Variants in VAV2 observed in about 807,000 individuals in gnomAD.
VAV2 encodes the protein guanine nucleotide exchange factor VAV2.
A neutral mutation model predicts 132.5 loss-of-function variants in VAV2; 67 were observed. That is an observed-to-expected ratio of 0.51 (90% confidence interval 0.42 to 0.62). The LOEUF is 0.62. Ranked by LOEUF, VAV2 falls within the 20% of genes least tolerant of loss-of-function variation. The pLI is 0.00. For missense variants in VAV2, 938 were observed against 1,153.6 expected, an observed-to-expected ratio of 0.81 and a Z score of 2.71; for synonymous variants, 492 against 443.5, an observed-to-expected ratio of 1.11 and a Z score of -1.37.
rs990382724 is a variant in VAV2, at chr9:133,834,183, G to A, written c.449+89C>T. 13 of 1,448,220 alleles carry A rather than the reference G, an allele frequency of 9.0e-6. No individual in the cohort carries two copies. The highest frequency in any genetic ancestry group is 7.4e-5 in the East Asian group (3 of 40,488). 89.7% of individuals were successfully genotyped at this position (1,448,220 alleles called of 1,614,324 possible). ...GGCCAGCTCTGCCTGCACTGTGGCC[G>A]CCATGTTTCCTCCTGACTCCCTGGA... On this transcript the variant is annotated intron_variant, in intron 4 of 29. Coordinates refer to ENST00000371850, the MANE Select transcript of VAV2 (RefSeq NM_001134398.2). The surrounding 1 kb of genome is among the most constrained non-coding windows in gnomAD (Gnocchi z 5.9).
Position 133,970,736 on chromosome 9 carries a change from CCTGCCCCA to C in VAV2, c.204+21331_204+21338del, listed in dbSNP as rs373004073. ...GCAGCAGAAAGCCTCGGGCCTGTCA[CCTGCCCCA>C]CAGCCTCTCGTGTCAAATGGTCTCG... On this transcript the variant is annotated intron_variant, in intron 1 of 29. Transcript: ENST00000371850. Among the ~76,000 whole-genome samples the C allele has an allele frequency of 5.0e-3, 765 of 152,322 alleles. 4 individuals carry two copies. The highest frequency in any genetic ancestry group is 0.018 in the African/African-American group (733 of 41,584).
rs1361177358 is a variant in VAV2 at position 133,912,126 on chromosome 9, C to T, written c.321+26977G>A. On this transcript the variant is annotated intron_variant, in intron 2 of 29. Transcript: ENST00000371850. This position sits in a 1 kb window ranked among gnomAD's most constrained non-coding sequence, Gnocchi z 4.3. ...CTGATTTTCAAAGATGGGGTGTCAG[C>T]TGAGCTCAGGACAGCCACCAGCTCC... Among the ~76,000 whole-genome samples, 1 of 152,192 alleles carries T rather than the reference C, an allele frequency of 6.6e-6. No individual in the cohort carries two copies. Among genetic ancestry groups the T allele is most frequent in the African/African-American group, 2.4e-5 (1 of 41,450 alleles).
At chr9:133,913,784 G>A (rs74430971) in intron 2 of VAV2, among the ~76,000 whole-genome samples, 2,562 of 152,314 alleles carry the variant, frequency 0.017, 74 homozygotes, top group African/African-American at 0.057. Flanking sequence ...CCTCGGGGCC[G>A]GCTGTACGCT....
intron 4 of VAV2, among the ~76,000 whole-genome samples, chr9:133,813,571 T>C (rs1175513122): frequency 6.6e-6 from 1 of 152,256 alleles, no homozygotes; most frequent in East Asian, 1.9e-4. Flanking sequence ...GGCGTCCGTC[T>C]GTGGGCAAAG....
At position 133,769,389 on chromosome 9, in the gene VAV2, C is replaced by T. The variant is rs748965324; in HGVS notation, c.2434+28G>A. 7.4e-5 allele frequency: 118 copies of T among 1,591,652 alleles called. No individual in the cohort carries two copies. The highest frequency in any genetic ancestry group is 5.3e-4 in the Admixed American group (30 of 56,720). On this transcript the variant is annotated intron_variant, in intron 28 of 29. Coordinates refer to ENST00000371850, the MANE Select transcript of VAV2 (RefSeq NM_001134398.2). This position sits in a 1 kb window ranked among gnomAD's most constrained non-coding sequence, Gnocchi z 8.1. ...CCAAGGCAGCTGCCACAGGCCCGGT[C>T]CCCCCACGCCCTGGGGAGCAGCGGT...
intron 29 of VAV2, among the ~76,000 whole-genome samples, chr9:133,765,843 T>A (rs557430): frequency 6.6e-6 from 1 of 152,026 alleles, no homozygotes; most frequent in East Asian, 1.9e-4. Flanking sequence ...ACAGTGCAAA[T>A]GATAAAGCAA....
rs1479452255 is a variant in VAV2 at position 133,879,723 on chromosome 9, A to G, written c.322-18291T>C. On this transcript the variant is annotated intron_variant, in intron 2 of 29. Coordinates refer to ENST00000371850, the MANE Select transcript of VAV2 (RefSeq NM_001134398.2). This position sits in a 1 kb window ranked among gnomAD's most constrained non-coding sequence, Gnocchi z 4.4. ...TCCCTTCCAAAGCAGAACCTATCCG[A>G]GAATCCCTACCGCCTTGCGAGCTGC... Among the ~76,000 whole-genome samples, 1 of 152,076 alleles carries G rather than the reference A, an allele frequency of 6.6e-6. No homozygotes were observed. Among genetic ancestry groups the G allele is most frequent in the African/African-American group, 2.4e-5 (1 of 41,400 alleles).
At chr9:133,954,895 T>C (rs1841698472) in intron 1 of VAV2, among the ~76,000 whole-genome samples, 1 of 152,154 alleles carries the variant, frequency 6.6e-6, no homozygotes. Flanking sequence ...CCGAGATAAA[T>C]CATTCTGAAC....
chr9:133,955,212 G>T (rs925867425), intron 1 of VAV2, among the ~76,000 whole-genome samples: 2 of 151,934 alleles, frequency 1.3e-5, no homozygotes, highest in Non-Finnish European at 2.9e-5. Flanking sequence ...GCCCCTTCAG[G>T]TCCTAAACCT....
At chr9:133,832,292 G>A (rs1408604982) in intron 4 of VAV2, among the ~76,000 whole-genome samples, 1 of 152,238 alleles carries the variant, frequency 6.6e-6, no homozygotes, top group Non-Finnish European at 1.5e-5. Flanking sequence ...TGGCCTGGAT[G>A]TGGCAGAGAA....
At chr9:133,914,744 GGGGAGGGGAGAGGA>G in intron 2 of VAV2, among the ~76,000 whole-genome samples, 1 of 89,622 alleles carries the variant, frequency 1.1e-5, no homozygotes, top group African/African-American at 5.0e-5. Flanking sequence ...GGAGAGGGAA[GGGGAGGGGAGAGGA>G]GAGGAGGGGA....
rs200736752 is a variant in VAV2 at position 133,785,762 on chromosome 9, G to A, written c.1532+14C>T. 82 of 1,612,264 alleles carry A rather than the reference G, an allele frequency of 5.1e-5. No homozygotes were observed. Among genetic ancestry groups the A allele is most frequent in the African/African-American group, 9.3e-5 (7 of 74,868 alleles). On this transcript the variant is annotated intron_variant, in intron 17 of 29. Coordinates refer to ENST00000371850, the MANE Select transcript of VAV2 (RefSeq NM_001134398.2). ...ATCTGCCAGGGACCTGGGGGCTGCC[G>A]CCCTGGAACTCACATGGCCATCTCA...
intron 2 of VAV2, among the ~76,000 whole-genome samples, chr9:133,905,455 CAAAA>C (rs1464763366): frequency 1.4e-4 from 16 of 115,314 alleles, no homozygotes; most frequent in Non-Finnish European, 2.4e-4. Context: ...AAAAAAGAAA[CAAAA>C]GAAGAAGAAC....
chr9:133,806,325 T>C, intron 8 of VAV2, 144 bp from the exon 9 acceptor site: 1 of 684,400 alleles, frequency 1.5e-6, no homozygotes, highest in Non-Finnish European at 2.5e-6. Context: ...CACATCTCTG[T>C]GCATGCCAGG....
In VAV2 at chr9:133,826,292, G is replaced by A. The variant is rs1835985737; in HGVS notation, c.449+7980C>T. ...GGCCCTGGTGACCCGCCACACTAAA[G>A]CAGCCAGCAGCTGCAGCCTCACATC... On this transcript the variant is annotated intron_variant, in intron 4 of 29. Transcript: ENST00000371850. This position sits in a 1 kb window ranked among gnomAD's most constrained non-coding sequence, Gnocchi z 4.2. 6.6e-6 allele frequency among the ~76,000 whole-genome samples: 1 copy of A among 152,196 alleles called. No individual in the cohort carries two copies. Among genetic ancestry groups the A allele is most frequent in the Admixed American group, 6.5e-5 (1 of 15,280 alleles).
intron 3 of VAV2, among the ~76,000 whole-genome samples, chr9:133,843,714 C>T (rs1267581224): frequency 6.6e-6 from 1 of 152,192 alleles, no homozygotes. Flanking sequence ...GAGCAGGCAG[C>T]CCGGGCAGGG....
At chr9:133,902,060 CCT>C (rs772892901) in intron 2 of VAV2, among the ~76,000 whole-genome samples, 14 of 151,776 alleles carry the variant, frequency 9.2e-5, no homozygotes, top group Non-Finnish European at 1.9e-4. Flanking sequence ...CCCACCCCCA[CCT>C]CTCTGGGCCA....
rs1183250716 is a variant in VAV2 at position 133,841,512 on chromosome 9, C to A, written c.381-7172G>T. Among the ~76,000 whole-genome samples, 4 of 152,226 alleles carry A rather than the reference C, an allele frequency of 2.6e-5. No homozygotes were observed. In the East Asian group the frequency reaches 7.7e-4, roughly 29 times the overall value. On this transcript the variant is annotated intron_variant, in intron 3 of 29. Coordinates refer to ENST00000371850, the MANE Select transcript of VAV2 (RefSeq NM_001134398.2). ...CCCTCTTGCCTCTTAAAGAGTGAAT[C>A]CACCCAGCAGGTATGCAGCTCGTCC...
rs1834629351 is a variant in VAV2 at position 133,794,534 on chromosome 9, A to G, written c.1101+1134T>C. 6.6e-6 allele frequency among the ~76,000 whole-genome samples: 1 copy of G among 152,220 alleles called. No individual in the cohort carries two copies. Among genetic ancestry groups the G allele is most frequent in the Non-Finnish European group, 1.5e-5 (1 of 68,040 alleles). On this transcript the variant is annotated intron_variant, in intron 12 of 29. Coordinates refer to ENST00000371850, the MANE Select transcript of VAV2 (RefSeq NM_001134398.2). This position sits in a 1 kb window ranked among gnomAD's most constrained non-coding sequence, Gnocchi z 4.6. ...GCAGCTATAGACAGAGACAGATTACAGCCCCTCCCCCACCCAGAGGGAGCT... is the reference window on the plus strand; with the variant it reads ...GCAGCTATAGACAGAGACAGATTACGGCCCCTCCCCCACCCAGAGGGAGCT...
Sources: allele counts gnomAD v4.1 joint callset (sites outside exome capture counted in the v4.1 genomes callset), GRCh38; gene constraint gnomAD v4.1.1; non-coding constraint Gnocchi (gnomAD v3.1); transcripts MANE v1.5; gene names NCBI Gene and HGNC (gene_info 2026-07-23, HGNC 2026-07-21).